Variants in PLPPR1 observed in about 807,000 individuals in gnomAD.
The protein encoded by PLPPR1 is phospholipid phosphatase related 1, also known as phospholipid phosphatase-related protein type 1.
Under a neutral mutation model 33.1 loss-of-function variants are expected in PLPPR1, and 10 were observed. The ratio of observed to expected loss-of-function variants is 0.30; its 90% CI spans 0.19 to 0.51. The LOEUF (loss-of-function observed/expected upper bound fraction) is 0.51, where lower values mean the gene tolerates loss of function less well. Among genes scored for constraint, PLPPR1 ranks in the 20% least tolerant of loss-of-function variants. PLPPR1 has a pLI of 0.97. For missense variants in PLPPR1, 304 were observed against 408.1 expected (o/e 0.74, Z 2.20); for synonymous variants, 151 against 151.0 (o/e 1.00, Z 0.00).
At chr9:101,306,883 T>A (rs1308150611) in intron 4 of PLPPR1, among the ~76,000 whole-genome samples, 2 of 152,230 alleles carry the variant, frequency 1.3e-5, no homozygotes, top group Non-Finnish European at 2.9e-5. Context: ...TTCTGAGGCT[T>A]GTAAAAATAC....
chr9:101,165,877 A>G (rs1825847930), intron 1 of PLPPR1, among the ~76,000 whole-genome samples: 1 of 152,144 alleles, frequency 6.6e-6, no homozygotes, highest in Non-Finnish European at 1.5e-5. Flanking sequence ...ATAATTTTGA[A>G]TTCACTCTCC....
At chr9:101,274,942 CA>C (rs955152537) in intron 3 of PLPPR1, among the ~76,000 whole-genome samples, 7 of 152,110 alleles carry the variant, frequency 4.6e-5, no homozygotes, top group African/African-American at 1.7e-4. Context: ...TCTCAGATTC[CA>C]TGAAAACTGA....
At chr9:101,312,122 A>AG (rs113459537) in intron 5 of PLPPR1, among the ~76,000 whole-genome samples, 18,748 of 152,190 alleles carry the variant, frequency 0.12, 1,331 homozygotes, top group South Asian at 0.18. Context: ...CACACAGAAA[A>AG]TTTTAATATT....
chr9:101,304,556 A>C (rs545323062), intron 4 of PLPPR1, among the ~76,000 whole-genome samples: 11 of 152,262 alleles, frequency 7.2e-5, no homozygotes, highest in Non-Finnish European at 1.6e-4. Flanking sequence ...AAATATGAGA[A>C]TAATGGTACC....
intron 1 of PLPPR1, among the ~76,000 whole-genome samples, chr9:101,119,169 G>T (rs188398178): frequency 3.0e-4 from 45 of 152,280 alleles, no homozygotes; most frequent in Non-Finnish European, 2.8e-4. Flanking sequence ...CTTGTCCACA[G>T]AGGTCAACAT....
chr9:101,267,449 A>G (rs1284222248), intron 2 of PLPPR1, among the ~76,000 whole-genome samples: 6 of 152,208 alleles, frequency 3.9e-5, no homozygotes, highest in African/African-American at 9.6e-5. Context: ...TGTGGCCCCA[A>G]TAAACAACTC....
At chr9:101,320,751 G>C (rs901571985) in intron 7 of PLPPR1, among the ~76,000 whole-genome samples, 1 of 152,140 alleles carries the variant, frequency 6.6e-6, no homozygotes, top group Non-Finnish European at 1.5e-5. Flanking sequence ...TTTATTGAGA[G>C]TCACCTCATT....
intron 2 of PLPPR1, among the ~76,000 whole-genome samples, chr9:101,252,253 G>A (rs1257975849): frequency 1.3e-5 from 2 of 152,098 alleles, no homozygotes; most frequent in Non-Finnish European, 2.9e-5. Flanking sequence ...TGATTGCACA[G>A]GTATAGAACA....
chr9:101,063,276 C>T (rs183022142), intron 1 of PLPPR1, among the ~76,000 whole-genome samples: 1 of 152,088 alleles, frequency 6.6e-6, no homozygotes, highest in Admixed American at 6.6e-5. Context: ...ATGATGGGGG[C>T]TGCCCCATGC....
At chr9:101,086,089 A>G (rs1830671783) in intron 1 of PLPPR1, among the ~76,000 whole-genome samples, 1 of 152,134 alleles carries the variant, frequency 6.6e-6, no homozygotes, top group African/African-American at 2.4e-5. Context: ...AAAGTCGATC[A>G]TGTGCTTTTT....
chr9:101,322,986 C>T lies in PLPPR1; in HGVS notation c.946-1039C>T, dbSNP rs1054025502. ...CAAAAAAGTTAAACTAAAAACAAAC[C>T]CCCCAAAAATTCTATACATTTTGAA... On this transcript the variant is annotated intron_variant, in intron 7 of 7. Transcript: ENST00000374874. 2.6e-5 allele frequency among the ~76,000 whole-genome samples: 4 copies of T among 151,938 alleles called. No individual in the cohort carries two copies. In the East Asian group the frequency reaches 7.7e-4, roughly 29 times the overall value.
intron 1 of PLPPR1, among the ~76,000 whole-genome samples, chr9:101,126,734 AC>A (rs1292155233): frequency 4.6e-5 from 7 of 152,152 alleles, no homozygotes; most frequent in Admixed American, 3.3e-4. Context: ...AGTAAAACAT[AC>A]TTTTTTTCAG....
At chr9:101,057,099 C>T (rs531176068) in intron 1 of PLPPR1, among the ~76,000 whole-genome samples, 2 of 152,310 alleles carry the variant, frequency 1.3e-5, no homozygotes, top group South Asian at 4.1e-4. Flanking sequence ...TGAAAGCCAT[C>T]TCCTCACCTG....
At chr9:101,253,995 CTT>C (rs1827756210) in intron 2 of PLPPR1, among the ~76,000 whole-genome samples, 3 of 151,858 alleles carry the variant, frequency 2.0e-5, no homozygotes, top group Non-Finnish European at 4.4e-5. Flanking sequence ...TGTTTTTAAG[CTT>C]TTTAGTCAGT....
At chr9:101,204,293 C>T (rs1418030255) in intron 2 of PLPPR1, among the ~76,000 whole-genome samples, 1 of 152,106 alleles carries the variant, frequency 6.6e-6, no homozygotes, top group Non-Finnish European at 1.5e-5. Context: ...CTTTATGTCA[C>T]ACTATGAATA....
intron 2 of PLPPR1, among the ~76,000 whole-genome samples, chr9:101,230,569 G>C (rs1827160989): frequency 6.6e-6 from 1 of 152,066 alleles, no homozygotes; most frequent in Non-Finnish European, 1.5e-5. Context: ...GAAAAGGACT[G>C]TGGTTTTCTA....
rs1309918030 is a variant in PLPPR1, at chr9:101,047,210, A to G, written c.-46+18108A>G. The stretch of plus-strand genomic sequence containing the variant: ...CTGAGATTCCCCTCCTCTCATATAC[A>G]TACATTTAGTCCTTTTAACCATTTC... On this transcript the variant is annotated intron_variant, in intron 1 of 7. Coordinates refer to ENST00000374874, the MANE Select transcript of PLPPR1 (RefSeq NM_207299.2). 2.6e-5 allele frequency among the ~76,000 whole-genome samples: 4 copies of G among 152,136 alleles called. No individual in the cohort carries two copies. The East Asian group carries it at 7.7e-4, about 29-fold the overall frequency.
chr9:101,309,381 C>G lies in PLPPR1; in HGVS notation c.556C>G (p.Leu186Val). The G allele has an allele frequency of 1.2e-6, 2 of 1,614,100 alleles. No individual in the cohort carries two copies. The highest frequency in any genetic ancestry group is 1.1e-5 in the South Asian group (1 of 91,076). The change falls in exon 5 of 8, where the codon CTG (leucine) becomes GTG (valine). Residue 186 changes from leucine to valine, a missense_variant. By Grantham distance (32) the Leu-to-Val change is conservative (BLOSUM62 1). Transcript: ENST00000374874. ...CAATGGGAACATTTGTACTGGGGAC[C>G]TGGAAGTGATAGAAAAGGCTCGGAG... ...INNGNICTGD[L>V]EVIEKARRSF...
intron 1 of PLPPR1, among the ~76,000 whole-genome samples, chr9:101,061,882 G>T (rs185269800): frequency 1.6e-3 from 244 of 152,034 alleles, no homozygotes; most frequent in Non-Finnish European, 2.8e-3. Context: ...AAATCTGAAC[G>T]AAATTTTGGG....
Sources: gnomAD v4.1 joint callset for allele counts (sites outside exome capture counted in the v4.1 genomes callset) on GRCh38, gnomAD v4.1.1 for gene constraint, MANE v1.5 for transcripts, NCBI Gene and HGNC (gene_info 2026-07-23, HGNC 2026-07-21) for gene names.